PLCXD1: variants seen among roughly 807,000 people sequenced by gnomAD.
PLCXD1 encodes the protein PI-PLC X domain-containing protein 1.
In PLCXD1, 45 loss-of-function variants were observed where a neutral mutation model predicts 37.8. That is an observed-to-expected ratio of 1.19 (90% CI 0.94 to 1.53). The LOEUF is 1.53. Ranked by LOEUF, PLCXD1 falls within the 40% of genes most tolerant of loss-of-function variation. The pLI, the probability that PLCXD1 is intolerant of heterozygous loss-of-function variation, is 0.00. For missense variants in PLCXD1, 539 were observed against 454.7 expected, an observed-to-expected ratio of 1.19 and a Z score of -1.69; for synonymous variants, 246 against 206.9, an observed-to-expected ratio of 1.19 and a Z score of -1.62.
In PLCXD1 at chrX:300,880, T is replaced by C. The variant is rs1461691475; in HGVS notation, c.*1545T>C. Reference sequence around the variant, plus strand: ...CACCACACCCGACTAATTTCATATATTTAGTAGAGACGGGGTTTCTCCGCG... The same window carrying C: ...CACCACACCCGACTAATTTCATATACTTAGTAGAGACGGGGTTTCTCCGCG... On this transcript the variant is annotated 3_prime_UTR_variant, in exon 7 of 7. Coordinates refer to ENST00000381657, the MANE Select transcript of PLCXD1 (RefSeq NM_018390.4). The C allele has an allele frequency of 6.6e-6, 1 of 152,114 alleles. No individual in the cohort carries two copies. Among genetic ancestry groups the C allele is most frequent in the Non-Finnish European group, 1.5e-5 (1 of 68,042 alleles). The allele number at this position is 152,114 out of a possible 1,614,324, so 9.4% of individuals were successfully genotyped here.
At chrX:278,696 A>T (rs908668892), upstream of PLCXD1, among the ~76,000 whole-genome samples, 6 of 147,368 alleles carry the variant, frequency 4.1e-5, no homozygotes, top group African/African-American at 1.5e-4. Context: ...CCGAGATTGC[A>T]CCACTGCACT....
At position 288,757 on chromosome X, in the gene PLCXD1, G is replaced by T; in HGVS notation, c.152G>T (p.Cys51Phe). 1 of 1,613,896 alleles carries T rather than the reference G, an allele frequency of 6.2e-7. No individual in the cohort carries two copies. The highest frequency in any genetic ancestry group is 1.3e-5 in the African/African-American group (1 of 75,050). ...GGGAGCCACGACACGATGACGTACT[G>T]CCTGAACAAGAAGTCCCCCATTTCG... Reference protein sequence around the residue: ...IPGSHDTMTYCLNKKSPISHE... With the variant: ...IPGSHDTMTYFLNKKSPISHE... The change falls in exon 3 of 7, where the codon TGC becomes TTC. Residue 51 changes from cysteine (C) to phenylalanine (F), a missense_variant. Cys to Phe is a radical substitution (Grantham distance 205, BLOSUM62 -2). Transcript: ENST00000381657.
chrX:297,684 G>A (rs1239321840), intron 6 of PLCXD1, among the ~76,000 whole-genome samples: 1 of 38,634 alleles, frequency 2.6e-5, no homozygotes, highest in Admixed American at 2.1e-4. Context: ...GGATTAGGAC[G>A]TGGACATCTT....
rs1466527609 is a variant in PLCXD1 at position 291,671 on chromosome X, T to C, written c.549+17T>C. On this transcript the variant is annotated intron_variant, in intron 5 of 6. Transcript: ENST00000381657. Reference sequence around the variant, plus strand: ...CCTCGTGGGGTGAGGAGGGGAAGGATATCCGCACGTCTCTCCCGGGGCAGG... The same window carrying C: ...CCTCGTGGGGTGAGGAGGGGAAGGACATCCGCACGTCTCTCCCGGGGCAGG... 6.2e-7 allele frequency: 1 copy of C among 1,611,250 alleles called. No individual in the cohort carries two copies. Among genetic ancestry groups the C allele is most frequent in the Non-Finnish European group, 8.5e-7 (1 of 1,179,076 alleles).
Position 301,987 on chromosome X carries a change from G to A in PLCXD1, c.*2652G>A, listed in dbSNP as rs1331509010. On this transcript the variant is annotated 3_prime_UTR_variant, in exon 7 of 7. Coordinates refer to ENST00000381657, the MANE Select transcript of PLCXD1 (RefSeq NM_018390.4). Reference sequence around the variant, plus strand: ...GCTGGGTCCCAGCCCAGTAGAGCCAGCCCCCCAGCCCGGAGTGCTACTGAA... The same window carrying A: ...GCTGGGTCCCAGCCCAGTAGAGCCAACCCCCCAGCCCGGAGTGCTACTGAA... The A allele has an allele frequency of 1.3e-5, 2 of 152,286 alleles. No individual in the cohort carries two copies. The highest frequency in any genetic ancestry group is 4.8e-5 in the African/African-American group (2 of 41,432). 9.4% of individuals were successfully genotyped at this position (152,286 alleles called of 1,614,324 possible).
chrX:279,178 C>A (rs900301599), upstream of PLCXD1, among the ~76,000 whole-genome samples: 7 of 152,124 alleles, frequency 4.6e-5, no homozygotes, highest in African/African-American at 1.7e-4. Context: ...GTCGATTGAT[C>A]GGCTAAGGTA....
upstream of PLCXD1, among the ~76,000 whole-genome samples, chrX:279,342 G>A (rs1445363997): frequency 6.6e-6 from 1 of 152,204 alleles, no homozygotes; most frequent in African/African-American, 2.4e-5. Flanking sequence ...AAGTCACAGG[G>A]GTGATAATGG....
intron 2 of PLCXD1, among the ~76,000 whole-genome samples, chrX:284,592 G>A (rs1205910611): frequency 6.7e-4 from 2 of 2,986 alleles, no homozygotes; most frequent in East Asian, 0.042. Flanking sequence ...ATGCACACAC[G>A]CACACACGCA....
At chrX:292,955 C>A in intron 5 of PLCXD1, 80 bp from the exon 6 acceptor site, 1 of 1,007,200 alleles carries the variant, frequency 9.9e-7, no homozygotes, top group Non-Finnish European at 1.5e-6. Context: ...GCCGGTGTCC[C>A]GACTTCCCAG....
At chrX:286,915 A>G (rs1394955544) in intron 2 of PLCXD1, among the ~76,000 whole-genome samples, 3 of 151,602 alleles carry the variant, frequency 2.0e-5, no homozygotes, top group Non-Finnish European at 2.9e-5. Flanking sequence ...CCTTAGCTCA[A>G]GATCGGGGGA....
intron 6 of PLCXD1, among the ~76,000 whole-genome samples, chrX:295,401 G>A (rs28681152): frequency 0.72 from 109,846 of 151,764 alleles, 40,461 homozygotes; most frequent in African/African-American, 0.86. Flanking sequence ...TGATCTTCAC[G>A]GCCGCGAGGG....
intron 6 of PLCXD1, among the ~76,000 whole-genome samples, chrX:296,480 G>T (rs2069812179): frequency 6.6e-6 from 1 of 152,122 alleles, no homozygotes; most frequent in Admixed American, 6.6e-5. Context: ...TGTTGCCTTT[G>T]CCGTCTCTGG....
chrX:284,400 G>A, intron 2 of PLCXD1, 86 bp downstream of exon 2: 1 of 1,477,012 alleles, frequency 6.8e-7, no homozygotes, highest in Non-Finnish European at 9.4e-7. Flanking sequence ...GCATTCCCCA[G>A]TGGGGACGCT....
chrX:295,971 G>T (rs751169904), intron 6 of PLCXD1, among the ~76,000 whole-genome samples: 22 of 150,188 alleles, frequency 1.5e-4, no homozygotes, highest in African/African-American at 5.1e-4. Flanking sequence ...CTCCCACCAC[G>T]CCCGGCTAAT....
chrX:293,216 C>T lies in PLCXD1; in HGVS notation c.731C>T (p.Pro244Leu). ...GAGACCATGAAGAGCTGCGGCCGCC[C>T]AGGTACCAGGTCGCCCCTCGTGGGG... is the stretch of plus-strand genomic sequence containing the variant. Reference protein sequence around the residue: ...YLETMKSCGRPGGLFVAGINL... With the variant: ...YLETMKSCGRLGGLFVAGINL... Residue 244 changes from proline (P) to leucine (L), a missense_variant and splice_region_variant, in exon 6 of 7, where the codon CCA becomes CTA. Pro to Leu is a moderately conservative substitution (Grantham distance 98, BLOSUM62 -3). Coordinates refer to ENST00000381657, the MANE Select transcript of PLCXD1 (RefSeq NM_018390.4). 1 of 1,607,440 alleles carries T rather than the reference C, an allele frequency of 6.2e-7. No individual in the cohort carries two copies. Among genetic ancestry groups the T allele is most frequent in the East Asian group, 2.2e-5 (1 of 44,772 alleles).
At chrX:287,559 CTATATATGTTTATATATAGATAT>C (rs1569564465) in intron 2 of PLCXD1, among the ~76,000 whole-genome samples, 3 of 88,774 alleles carry the variant, frequency 3.4e-5, no homozygotes, top group Non-Finnish European at 5.8e-5. Context: ...GATATAGATA[CTATATATGTTTATATATAGATAT>C]AGATACTATA....
intron 2 of PLCXD1, among the ~76,000 whole-genome samples, chrX:285,536 C>T (rs1358603327): frequency 7.3e-6 from 1 of 137,304 alleles, no homozygotes; most frequent in Admixed American, 7.5e-5. Flanking sequence ...CACGTACATG[C>T]ATGCACACAG....
At chrX:289,746 C>T (rs1176774782) in intron 3 of PLCXD1, among the ~76,000 whole-genome samples, 5 of 151,744 alleles carry the variant, frequency 3.3e-5, no homozygotes, top group South Asian at 2.1e-4. Flanking sequence ...CTCCTGACCT[C>T]GTGATCCACC....
rs374567646 is a variant in PLCXD1 at position 291,618 on chromosome X, C to G, written c.513C>G (p.Ile171Met). ...TGCACGAGTACCTGGTCGCCTGTAT[C>G]AAGAACATCTTCGGGGACATGCTGT... ...EDLHEYLVAC[I>M]KNIFGDMLCP... The change falls in exon 5 of 7, where the codon ATC (isoleucine) becomes ATG (methionine). Residue 171 changes from isoleucine (I) to methionine (M), a missense_variant. Physicochemically the swap from Ile to Met is conservative, Grantham distance 10. Transcript: ENST00000381657. 32 of 1,612,816 alleles carry G rather than the reference C, an allele frequency of 2.0e-5. No homozygotes were observed. In the Middle Eastern group the frequency reaches 5.7e-4, roughly 29 times the overall value.
Sources: allele counts gnomAD v4.1 joint callset (sites outside exome capture counted in the v4.1 genomes callset), GRCh38; gene constraint gnomAD v4.1.1; transcripts MANE v1.5; gene names NCBI Gene and HGNC (gene_info 2026-07-23, HGNC 2026-07-21).